RFT1: variants seen among roughly 807,000 people sequenced by gnomAD.
RFT1 encodes RFT1 glycolipid translocator homolog, also known as man(5)GlcNAc(2)-PP-dolichol translocation protein RFT1.
Under a neutral mutation model 62.2 loss-of-function variants are expected in RFT1, and 43 were observed. That is an observed-to-expected ratio of 0.69 (90% CI 0.54 to 0.89). The LOEUF is 0.89. RFT1 is among the 40% of genes least tolerant of loss of function. RFT1 has a pLI of 0.00. For synonymous variants in RFT1, 262 were observed against 264.6 expected, an observed-to-expected ratio of 0.99 and a Z score of 0.10; for missense variants, 605 against 649.9, an observed-to-expected ratio of 0.93 and a Z score of 0.75.
intron 7 of RFT1, among the ~76,000 whole-genome samples, chr3:53,110,467 G>A (rs771564237): frequency 1.5e-4 from 23 of 152,084 alleles, no homozygotes; most frequent in Non-Finnish European, 2.5e-4. Flanking sequence ...TCCCTTCCCC[G>A]AGAAGGCCTC....
rs151322409 is a variant in RFT1, at chr3:53,130,378, C to T, written c.23G>A (p.Gly8Asp). MGSQEVLGHAARLASSGL... is the reference protein window; with the variant it reads MGSQEVLDHAARLASSGL... ...GGAGGAGGCCAGCCGGGCCGCGTGG[C>T]CCAGCACCTCCTGGCTGCCCATAGC... Residue 8 changes from glycine to aspartate, a missense_variant, in exon 1 of 13, where the codon GGC becomes GAC. Gly to Asp is a moderately conservative substitution (Grantham distance 94). Transcript: ENST00000296292. 2.9e-4 allele frequency: 446 copies of T among 1,560,716 alleles called. 6 individuals carry two copies. In the East Asian group the frequency reaches 0.01, roughly 36 times the overall value.
intron 11 of RFT1, among the ~76,000 whole-genome samples, chr3:53,096,637 C>G (rs1245638964): frequency 6.6e-6 from 1 of 151,734 alleles, no homozygotes; most frequent in Admixed American, 6.6e-5. Context: ...GAGCCAAGAT[C>G]ACACCACTGT....
At chr3:53,104,176 C>T (rs1397800114) in intron 9 of RFT1, 79 bp from the exon 10 acceptor site, 2 of 1,456,236 alleles carry the variant, frequency 1.4e-6, no homozygotes, top group African/African-American at 1.4e-5. Context: ...CTGGCCTTCT[C>T]CCTTCACTGT....
downstream of RFT1, among the ~76,000 whole-genome samples, chr3:53,083,878 T>C (rs1034813714): frequency 3.3e-5 from 5 of 152,384 alleles, no homozygotes; most frequent in Admixed American, 1.3e-4. Context: ...AGAAGCCATG[T>C]GGGGAAGACA....
intron 3 of RFT1, among the ~76,000 whole-genome samples, chr3:53,123,037 C>A (rs1040852799): frequency 6.6e-6 from 1 of 152,212 alleles, no homozygotes; most frequent in Non-Finnish European, 1.5e-5. Context: ...CACATGTGTA[C>A]CATGGGGCAC....
chr3:53,121,926 A>AT, intron 4 of RFT1, 126 bp from the exon 5 acceptor site: 1 of 753,132 alleles, frequency 1.3e-6, no homozygotes, highest in Non-Finnish European at 2.3e-6. Flanking sequence ...ACAGCTGGAC[A>AT]TAAGTATCAG....
In RFT1 at chr3:53,091,732, C is replaced by T. The variant is rs1700992326; in HGVS notation, c.*171G>A. The T allele has an allele frequency of 4.3e-6, 3 of 703,908 alleles. No homozygotes were observed. The Admixed American group carries it at 6.7e-5, about 16-fold the overall frequency. The allele number at this position is 703,908 out of a possible 1,614,324, so 43.6% of individuals were successfully genotyped here. The stretch of plus-strand genomic sequence containing the variant: ...TGAAACTCCCCCCCCGCATTTCAGA[C>T]TTCGAATGGTCACAGGTGTCTCATG... On this transcript the variant is annotated 3_prime_UTR_variant, in exon 13 of 13. Transcript: ENST00000296292.
intron 6 of RFT1, among the ~76,000 whole-genome samples, chr3:53,116,972 A>G (rs1701828448): frequency 6.6e-6 from 1 of 152,214 alleles, no homozygotes; most frequent in Admixed American, 6.5e-5. Context: ...TATGTAAACA[A>G]TAACTACTAT....
chr3:53,129,274 A>G (rs1702193849), intron 1 of RFT1, among the ~76,000 whole-genome samples: 1 of 152,234 alleles, frequency 6.6e-6, no homozygotes, highest in Non-Finnish European at 1.5e-5. Flanking sequence ...AGCTACATTT[A>G]TTAAGTACTT....
At chr3:53,108,585 G>C (rs138250330) in intron 7 of RFT1, among the ~76,000 whole-genome samples, 333 of 151,588 alleles carry the variant, frequency 2.2e-3, no homozygotes, top group African/African-American at 7.1e-3. Context: ...GTGGAGACGG[G>C]GTTTCCCCAT....
chr3:53,106,957 G>C, intron 7 of RFT1, 88 bp from the exon 8 acceptor site: 1 of 979,046 alleles, frequency 1.0e-6, no homozygotes, highest in Non-Finnish European at 1.6e-6. Context: ...AACTTTTCCA[G>C]CTGACAAATA....
chr3:53,126,465 C>T (rs1702114524), intron 1 of RFT1, among the ~76,000 whole-genome samples: 1 of 152,208 alleles, frequency 6.6e-6, no homozygotes, highest in South Asian at 2.1e-4. Context: ...CTTTTCTCCT[C>T]TGCCTCATAA....
At chr3:53,129,578 C>T (rs1276573493) in intron 1 of RFT1, among the ~76,000 whole-genome samples, 2 of 152,110 alleles carry the variant, frequency 1.3e-5, no homozygotes, top group African/African-American at 4.8e-5. Context: ...AGCCACTTGA[C>T]TTAAGAGGTT....
intron 5 of RFT1, among the ~76,000 whole-genome samples, chr3:53,120,535 G>C (rs1200111591): frequency 1.3e-5 from 2 of 152,190 alleles, no homozygotes; most frequent in Non-Finnish European, 1.5e-5. Flanking sequence ...AGCTACTACA[G>C]ATAGGGGAAG....
At chr3:53,103,803 C>G (rs969566875) in intron 10 of RFT1, 150 bp downstream of exon 10, 8 of 958,690 alleles carry the variant, frequency 8.3e-6, no homozygotes, top group Non-Finnish European at 1.3e-5. Context: ...TGGAGTTGAA[C>G]GAGGGGAACA....
chr3:53,092,819 G>A (rs1306583996), intron 11 of RFT1, among the ~76,000 whole-genome samples: 1 of 152,204 alleles, frequency 6.6e-6, no homozygotes, highest in Admixed American at 6.5e-5. Context: ...AAACAACTCA[G>A]GAGATGTATG....
rs766819390 is a variant in RFT1, at chr3:53,089,983, G to C, written c.*1920C>G. 1.3e-5 allele frequency: 2 copies of C among 152,748 alleles called. No homozygotes were observed. Among genetic ancestry groups the C allele is most frequent in the Non-Finnish European group, 2.9e-5 (2 of 68,092 alleles). 9.5% of individuals were successfully genotyped at this position (152,748 alleles called of 1,614,324 possible). A position where few individuals can be genotyped will look rare whatever the true frequency, so the allele number is the denominator to read the frequency against. On this transcript the variant is annotated 3_prime_UTR_variant, in exon 13 of 13. Transcript: ENST00000296292. ...GAACAGGCACTGTGAGCATGAGCAT[G>C]ATGGTCCTGGGCCTGTCACGAAGGA... is the stretch of plus-strand genomic sequence containing the variant.
chr3:53,091,615 G>C lies in RFT1; in HGVS notation c.*288C>G, dbSNP rs1167974799. 2 of 421,176 alleles carry C rather than the reference G, an allele frequency of 4.7e-6. No individual in the cohort carries two copies. The highest frequency in any genetic ancestry group is 9.8e-5 in the East Asian group (2 of 20,356). The allele number at this position is 421,176 out of a possible 1,614,324, so 26.1% of individuals were successfully genotyped here. ...TCCAAAGGCCAATCATACGCAAAAG[G>C]AATGAGTATATTAGTAAAAGAGAAA... On this transcript the variant is annotated 3_prime_UTR_variant, in exon 13 of 13. Transcript: ENST00000296292.
downstream of RFT1, chr3:53,085,724 GGAA>G (rs1487488989): frequency 6.6e-6 from 1 of 152,198 alleles, no homozygotes; most frequent in African/African-American, 2.4e-5. Flanking sequence ...TGACTTGCAA[GGAA>G]AGACCTAATT....
Sources: allele counts gnomAD v4.1 joint callset (sites outside exome capture counted in the v4.1 genomes callset), GRCh38; gene constraint gnomAD v4.1.1; transcripts MANE v1.5; gene names NCBI Gene and HGNC (gene_info 2026-07-23, HGNC 2026-07-21).